The following WWTR1 variants were observed in gnomAD, a reference collection of about 807,000 sequenced individuals.
The protein encoded by WWTR1 is WW domain containing transcription regulator 1.
A neutral mutation model predicts 40.1 loss-of-function variants in WWTR1; 13 were observed. The ratio of observed to expected loss-of-function variants is 0.32; its 90% CI spans 0.21 to 0.52. The LOEUF is 0.52. Ranked by LOEUF, WWTR1 falls within the 20% of genes least tolerant of loss-of-function variation. The pLI is 0.97. For missense variants in WWTR1, 436 were observed against 523.1 expected (o/e 0.83, Z 1.63); for synonymous variants, 230 against 210.1 (o/e 1.09, Z -0.82).
intron 2 of WWTR1, among the ~76,000 whole-genome samples, chr3:149,640,229 C>T (rs1374993814): frequency 1.3e-5 from 2 of 152,084 alleles, no homozygotes; most frequent in African/African-American, 4.8e-5. Context: ...TTTTAAGAAA[C>T]CTTTAATTTC....
chr3:149,616,439 T>C (rs1739971102), intron 2 of WWTR1, among the ~76,000 whole-genome samples: 1 of 150,794 alleles, frequency 6.6e-6, no homozygotes, highest in Non-Finnish European at 1.5e-5. Flanking sequence ...CCTCTCTCTC[T>C]CTCTCTTTTT....
chr3:149,578,479 G>T (rs1278325749), intron 2 of WWTR1, among the ~76,000 whole-genome samples: 1 of 152,156 alleles, frequency 6.6e-6, no homozygotes, highest in African/African-American at 2.4e-5. Flanking sequence ...GGCAACACTT[G>T]GTTCAAGTTT....
chr3:149,528,327 C>A (rs1735426219), intron 4 of WWTR1, among the ~76,000 whole-genome samples: 1 of 152,212 alleles, frequency 6.6e-6, no homozygotes, highest in Non-Finnish European at 1.5e-5. Flanking sequence ...AAATCTACAT[C>A]AATCAAAGCA....
intron 3 of WWTR1, among the ~76,000 whole-genome samples, chr3:149,551,294 G>A (rs1455636380): frequency 8.4e-5 from 10 of 118,830 alleles, no homozygotes; most frequent in Non-Finnish European, 1.6e-4. Flanking sequence ...GTGAAACTTC[G>A]TCTCCAAAAA....
chr3:149,544,279 A>G (rs1250836934), intron 3 of WWTR1, among the ~76,000 whole-genome samples: 1 of 152,192 alleles, frequency 6.6e-6, no homozygotes, highest in Non-Finnish European at 1.5e-5. Flanking sequence ...AGAAGAATAG[A>G]TTTCTTTGAG....
At chr3:149,722,852 T>A (rs140484023) in intron 4 of WWTR1, among the ~76,000 whole-genome samples, 1 of 152,038 alleles carries the variant, frequency 6.6e-6, no homozygotes. Context: ...GCTCCAGAAT[T>A]TATTTTTGCT....
intron 1 of WWTR1, among the ~76,000 whole-genome samples, chr3:149,680,668 TAA>T (rs35951677): frequency 4.1e-5 from 6 of 146,672 alleles, no homozygotes; most frequent in African/African-American, 5.0e-5. Context: ...ACACCATTTC[TAA>T]AAAAAAAAAA....
intron 1 of WWTR1, among the ~76,000 whole-genome samples, chr3:149,694,208 A>G (rs1714909240): frequency 6.6e-6 from 1 of 152,240 alleles, no homozygotes; most frequent in Admixed American, 6.5e-5. Context: ...CCTGACCAAC[A>G]TGGGGAAACC....
At chr3:149,537,925 A>AT (rs1263644461) in intron 4 of WWTR1, among the ~76,000 whole-genome samples, 2,528 of 147,594 alleles carry the variant, frequency 0.017, 53 homozygotes, top group African/African-American at 0.043. Flanking sequence ...TATATTTTTA[A>AT]TTTTTTTTTT....
intron 5 of WWTR1, among the ~76,000 whole-genome samples, chr3:149,526,808 C>T (rs1019123088): frequency 4.6e-5 from 7 of 152,278 alleles, no homozygotes; most frequent in Non-Finnish European, 7.3e-5. Flanking sequence ...GTTTGCCAGA[C>T]GTCTCTGCAA....
chr3:149,642,524 C>T (rs1361023836), intron 2 of WWTR1, among the ~76,000 whole-genome samples: 1 of 151,894 alleles, frequency 6.6e-6, no homozygotes. Flanking sequence ...GCCTGTAATC[C>T]CAGCACTTTG....
intron 2 of WWTR1, among the ~76,000 whole-genome samples, chr3:149,636,966 GAAAAAAAAAAAA>G (rs397950107): frequency 6.9e-5 from 3 of 43,316 alleles, no homozygotes; most frequent in East Asian, 8.3e-4. Flanking sequence ...TGTCTCAAGT[GAAAAAAAAAAAA>G]AAAAAAAAAA....
intron 2 of WWTR1, among the ~76,000 whole-genome samples, chr3:149,613,418 C>G (rs1410944913): frequency 6.6e-6 from 1 of 152,190 alleles, no homozygotes; most frequent in Non-Finnish European, 1.5e-5. Flanking sequence ...AGACAAGCAG[C>G]AAGATGAAGG....
intron 2 of WWTR1, among the ~76,000 whole-genome samples, chr3:149,638,662 A>G (rs2108122141): frequency 6.6e-6 from 1 of 152,012 alleles, no homozygotes; most frequent in South Asian, 2.1e-4. Flanking sequence ...TCAATGCCGC[A>G]AGTTATGTTT....
intron 2 of WWTR1, among the ~76,000 whole-genome samples, chr3:149,602,043 T>TA (rs528175576): frequency 3.3e-4 from 50 of 152,354 alleles, no homozygotes; most frequent in Non-Finnish European, 5.4e-4. Context: ...GGACTACATC[T>TA]AATTTTCACA....
intron 3 of WWTR1, among the ~76,000 whole-genome samples, chr3:149,565,122 G>A (rs938632432): frequency 6.6e-6 from 1 of 151,460 alleles, no homozygotes; most frequent in South Asian, 2.1e-4. Flanking sequence ...GGGAGGCAGA[G>A]GTTGCAGTGA....
intron 5 of WWTR1, among the ~76,000 whole-genome samples, chr3:149,708,788 C>A (rs79346301): frequency 0.014 from 2,098 of 152,214 alleles, 29 homozygotes; most frequent in East Asian, 0.063. Flanking sequence ...GTGCAGATAT[C>A]TTTATGAGAT....
rs138818771 is a variant in WWTR1, at chr3:149,710,886, C to T, written n.584+6556G>A. Among the ~76,000 whole-genome samples, 11 of 151,880 alleles carry T rather than the reference C, an allele frequency of 7.2e-5. No individual in the cohort carries two copies. The East Asian group carries it at 1.7e-3, about 24-fold the overall frequency. On this transcript the variant is annotated intron_variant and non_coding_transcript_variant, in intron 5 of 6. Transcript: ENST00000474080. ...GAGCCACTGCACCTGGCACGTTATC[C>T]CCTTTTAACAAAGGAAGAAATTGAA...
At chr3:149,612,389 A>C (rs76325421) in intron 2 of WWTR1, among the ~76,000 whole-genome samples, 1 of 151,458 alleles carries the variant, frequency 6.6e-6, no homozygotes, top group African/African-American at 2.4e-5. Context: ...AAAAAAAAAA[A>C]CTCCACCTAC....
Sources: gnomAD v4.1 joint callset for allele counts (sites outside exome capture counted in the v4.1 genomes callset) on GRCh38, gnomAD v4.1.1 for gene constraint, MANE v1.5 for transcripts, NCBI Gene and HGNC (gene_info 2026-07-23, HGNC 2026-07-21) for gene names.